The following COL25A1 variants were observed in gnomAD, a reference collection of about 807,000 sequenced individuals.
COL25A1 encodes the protein collagen alpha-1(XXV) chain.
COL25A1 carries 103 observed loss-of-function variants against 128.4 expected under a neutral mutation model. That is an observed-to-expected ratio of 0.80 (90% CI 0.68 to 0.94). The LOEUF is 0.94. COL25A1 is among the 40% of genes least tolerant of loss of function. The pLI is 0.00. For synonymous variants in COL25A1, 279 were observed against 277.2 expected (o/e 1.01, Z -0.06); for missense variants, 745 against 840.0 (o/e 0.89, Z 1.40).
rs558660228 is a variant in COL25A1 at position 109,193,533 on chromosome 4, C to T, written c.367+107050G>A. Among the ~76,000 whole-genome samples the T allele has an allele frequency of 1.4e-4, 21 of 152,192 alleles. No homozygotes were observed. The South Asian group carries it at 4.4e-3, about 32-fold the overall frequency. ...TGGAGGAACACCTAAAGCTTGCAGG[C>T]AAAGTGAAGAGACAGAGACTGAGAA... is the stretch of plus-strand genomic sequence containing the variant. On this transcript the variant is annotated intron_variant, in intron 3 of 37. Transcript: ENST00000399132.
intron 24 of COL25A1, among the ~76,000 whole-genome samples, chr4:108,853,587 T>C (rs146793327): frequency 6.8e-4 from 104 of 152,252 alleles, no homozygotes; most frequent in African/African-American, 2.4e-3. Context: ...TACATAGGTA[T>C]ACATGTGCCA....
At chr4:109,001,967 A>G (rs915261640) in intron 6 of COL25A1, among the ~76,000 whole-genome samples, 1 of 152,220 alleles carries the variant, frequency 6.6e-6, no homozygotes, top group Admixed American at 6.5e-5. Flanking sequence ...GGTGCTCCAC[A>G]TCACTAATCA....
intron 15 of COL25A1, among the ~76,000 whole-genome samples, chr4:108,897,797 C>A (rs1742318309): frequency 1.3e-5 from 2 of 152,124 alleles, no homozygotes; most frequent in Non-Finnish European, 2.9e-5. Context: ...GTTGGGAAGG[C>A]AGACTTTCAC....
intron 3 of COL25A1, among the ~76,000 whole-genome samples, chr4:109,108,682 A>G (rs571283604): frequency 7.0e-6 from 1 of 143,184 alleles, no homozygotes; most frequent in South Asian, 2.3e-4. Context: ...TACCTTATTA[A>G]TAACTCCTCT....
chr4:109,121,734 C>T (rs1560727467), intron 3 of COL25A1, among the ~76,000 whole-genome samples: 1 of 152,042 alleles, frequency 6.6e-6, no homozygotes, highest in Non-Finnish European at 1.5e-5. Flanking sequence ...CAAAATGAAA[C>T]ATACTCTTAC....
chr4:109,168,871 G>C (rs1046410836), intron 3 of COL25A1, among the ~76,000 whole-genome samples: 3 of 152,086 alleles, frequency 2.0e-5, no homozygotes, highest in South Asian at 4.2e-4. Flanking sequence ...TGAATTCATT[G>C]GAACATCCAT....
intron 3 of COL25A1, among the ~76,000 whole-genome samples, chr4:109,145,796 G>A (rs1457700670): frequency 6.6e-6 from 1 of 151,970 alleles, no homozygotes; most frequent in Non-Finnish European, 1.5e-5. Flanking sequence ...AGCCAAGATC[G>A]CACCATTGCA....
At chr4:108,969,001 A>T (rs928473938) in intron 8 of COL25A1, among the ~76,000 whole-genome samples, 2 of 152,002 alleles carry the variant, frequency 1.3e-5, no homozygotes, top group African/African-American at 2.4e-5. Flanking sequence ...ACTGCTTTTT[A>T]AAAAAACTTT....
At chr4:109,299,800 T>C (rs1725331144) in intron 3 of COL25A1, among the ~76,000 whole-genome samples, 2 of 152,212 alleles carry the variant, frequency 1.3e-5, no homozygotes, top group African/African-American at 4.8e-5. Context: ...CCAATGGCCA[T>C]ATTCCAAGGG....
intron 3 of COL25A1, among the ~76,000 whole-genome samples, chr4:109,248,617 G>T (rs1780440932): frequency 6.6e-6 from 1 of 152,248 alleles, no homozygotes; most frequent in South Asian, 2.1e-4. Context: ...CCCATGCCAT[G>T]CAGTAAAGCC....
chr4:108,956,244 G>A (rs771701724), intron 8 of COL25A1, among the ~76,000 whole-genome samples: 5 of 152,098 alleles, frequency 3.3e-5, no homozygotes, highest in Admixed American at 6.6e-5. Context: ...GTGGTATGCC[G>A]AGGTTTCTTA....
chr4:109,126,732 T>C (rs1768655692), intron 3 of COL25A1, among the ~76,000 whole-genome samples: 1 of 152,148 alleles, frequency 6.6e-6, no homozygotes, highest in East Asian at 1.9e-4. Flanking sequence ...CCCTTTTACA[T>C]TCTTATTTTC....
intron 5 of COL25A1, among the ~76,000 whole-genome samples, chr4:109,047,751 T>G: frequency 8.7e-6 from 1 of 115,426 alleles, no homozygotes; most frequent in South Asian, 2.6e-4. Context: ...TTTTTTTTTT[T>G]AGACAGAGTC....
intron 8 of COL25A1, among the ~76,000 whole-genome samples, chr4:108,970,908 A>G (rs780180963): frequency 2.6e-5 from 4 of 152,178 alleles, no homozygotes; most frequent in Non-Finnish European, 5.9e-5. Context: ...GTTAAATAGT[A>G]TTCCATTGTG....
chr4:108,899,683 T>C (rs868283002), intron 14 of COL25A1, among the ~76,000 whole-genome samples: 1 of 152,116 alleles, frequency 6.6e-6, no homozygotes, highest in African/African-American at 2.4e-5. Flanking sequence ...AGTCCTAATC[T>C]TGAACCCCTT....
Position 109,301,892 on chromosome 4 carries a change from A to G in COL25A1, c.128T>C (p.Val43Ala). The G allele has an allele frequency of 6.2e-7, 1 of 1,614,160 alleles. No individual in the cohort carries two copies. Among genetic ancestry groups the G allele is most frequent in the South Asian group, 1.1e-5 (1 of 91,084 alleles). The change falls in exon 2 of 38, where the codon GTG (valine) becomes GCG (alanine). Residue 43 changes from valine (V) to alanine (A), a missense_variant. Physicochemically the swap from Val to Ala is moderately conservative, Grantham distance 64. Around this residue, in one of 3 missense-constraint regions of COL25A1, gnomAD observed 319 missense variants for 324.9 expected, o/e 0.98. Transcript: ENST00000399132. The part of the protein sequence containing the change: ...PCAVLAALLS[V>A]VAVVSCLYLG... ...GTACAGGCAAGACACCACGGCCACC[A>G]CTGACAGGAGGGCCGCCAGGACGGC...
rs1731553357 is a variant in COL25A1 at position 108,819,382 on chromosome 4, A to C, written c.1846-53T>G. On this transcript the variant is annotated intron_variant, in intron 35 of 37. Coordinates refer to ENST00000399132, the MANE Select transcript of COL25A1 (RefSeq NM_198721.4). ...TACTAACACAAGAAATCACTTAAGC[A>C]CAAATTCTGCGAAAGAAGTAACTAC... The C allele has an allele frequency of 3.5e-6, 5 of 1,445,772 alleles. No individual in the cohort carries two copies. In the Admixed American group the frequency reaches 7.6e-5, roughly 22 times the overall value. 89.6% of individuals were successfully genotyped at this position (1,445,772 alleles called of 1,614,324 possible).
rs1225425197 is a variant in COL25A1, at chr4:109,239,602, C to T, written c.367+60981G>A. Among the ~76,000 whole-genome samples, 11 of 151,230 alleles carry T rather than the reference C, an allele frequency of 7.3e-5. No individual in the cohort carries two copies. The Admixed American group carries it at 7.3e-4, about 10-fold the overall frequency. ...AGTCACTTACCATGAATGGAGCTTG[C>T]AGGACTAGAAGTTGTTCTGGGTGAG... is the stretch of plus-strand genomic sequence containing the variant. On this transcript the variant is annotated intron_variant, in intron 3 of 37. Coordinates refer to ENST00000399132, the MANE Select transcript of COL25A1 (RefSeq NM_198721.4).
intron 5 of COL25A1, among the ~76,000 whole-genome samples, chr4:109,020,223 T>A (rs181233514): frequency 6.6e-6 from 1 of 152,192 alleles, no homozygotes; most frequent in Non-Finnish European, 1.5e-5. Flanking sequence ...TTGACTGAGA[T>A]AAACATTATT....
Sources: gnomAD v4.1 joint callset for allele counts (sites outside exome capture counted in the v4.1 genomes callset) on GRCh38, gnomAD v4.1.1 for gene constraint, gnomAD v4.1.1 regional missense constraint, MANE v1.5 for transcripts, NCBI Gene and HGNC (gene_info 2026-07-23, HGNC 2026-07-21) for gene names.